CNPY1: variants seen among roughly 807,000 people sequenced by gnomAD.
CNPY1 encodes canopy FGF signaling regulator 1.
Under a neutral mutation model 14.4 loss-of-function variants are expected in CNPY1, and 14 were observed. That is an observed-to-expected ratio of 0.97 (90% CI 0.64 to 1.52). CNPY1 has a LOEUF of 1.52. CNPY1 is among the 40% of genes most tolerant of loss of function. The pLI, the probability that CNPY1 is intolerant of heterozygous loss-of-function variation, is 0.00. For synonymous variants in CNPY1, 43 were observed against 46.5 expected, an observed-to-expected ratio of 0.92 and a Z score of 0.31; for missense variants, 129 against 131.5, an observed-to-expected ratio of 0.98 and a Z score of 0.09.
intron 2 of CNPY1, among the ~76,000 whole-genome samples, chr7:155,528,561 C>A (rs969612007): frequency 7.2e-5 from 11 of 152,212 alleles, no homozygotes; most frequent in Non-Finnish European, 1.3e-4. Flanking sequence ...GACAGTGGCA[C>A]TCAGAAATGT....
At chr7:155,533,009 A>G (rs1247180456) in intron 2 of CNPY1, among the ~76,000 whole-genome samples, 1 of 152,164 alleles carries the variant, frequency 6.6e-6, no homozygotes, top group Non-Finnish European at 1.5e-5. Flanking sequence ...TACCGCTATT[A>G]ACAACCAAAA....
At chr7:155,505,093 G>A (rs1796257830) in intron 4 of CNPY1, among the ~76,000 whole-genome samples, 1 of 152,202 alleles carries the variant, frequency 6.6e-6, no homozygotes, top group South Asian at 2.1e-4. Context: ...CACTTCAACA[G>A]TAGGGCTTTT....
intron 2 of CNPY1, among the ~76,000 whole-genome samples, chr7:155,525,867 T>C (rs757580613): frequency 3.9e-5 from 6 of 152,206 alleles, no homozygotes; most frequent in South Asian, 2.1e-4. Flanking sequence ...TTCTTGACAT[T>C]GTATCACTTT....
At chr7:155,529,468 C>T (rs749044289) in intron 2 of CNPY1, among the ~76,000 whole-genome samples, 16 of 152,216 alleles carry the variant, frequency 1.1e-4, no homozygotes, top group Non-Finnish European at 2.1e-4. Context: ...CACTGAGGAA[C>T]CAGCAGGGCC....
In CNPY1 at chr7:155,509,889, G is replaced by A. The variant is rs181427270; in HGVS notation, c.100-792C>T. ...GGTCAAAGAGCACCCCTCGCCCTTG[G>A]TAACGGAGACAAAACGTTCGGGGCC... On this transcript the variant is annotated intron_variant, in intron 2 of 4. Transcript: ENST00000636446. Among the ~76,000 whole-genome samples, 1,504 of 152,284 alleles carry A rather than the reference G, an allele frequency of 9.9e-3. 25 individuals are homozygous for A. Among genetic ancestry groups the A allele is most frequent in the African/African-American group, 0.035 (1,451 of 41,562 alleles).
intron 3 of CNPY1, 100 bp downstream of exon 3, chr7:155,508,794 G>A (rs1796417057): frequency 7.9e-7 from 1 of 1,266,650 alleles, no homozygotes. Flanking sequence ...GATGTTCCAT[G>A]TCTTGAAACT....
intron 2 of CNPY1, among the ~76,000 whole-genome samples, chr7:155,509,411 A>C (rs904733836): frequency 6.6e-5 from 10 of 152,222 alleles, no homozygotes; most frequent in African/African-American, 2.4e-4. Flanking sequence ...CTGAGCATGT[A>C]GCAAAAAGCA....
chr7:155,506,762 G>T (rs779037884), intron 4 of CNPY1: 6 of 406,570 alleles, frequency 1.5e-5, no homozygotes, highest in Non-Finnish European at 2.2e-5. Context: ...TCCTTAACTG[G>T]AAATCAAGAA....
chr7:155,528,181 C>G (rs886914518), intron 2 of CNPY1, among the ~76,000 whole-genome samples: 3 of 152,178 alleles, frequency 2.0e-5, no homozygotes, highest in African/African-American at 7.2e-5. Context: ...GCCCAAAGAG[C>G]CTAATTAACT....
intron 3 of CNPY1, among the ~76,000 whole-genome samples, chr7:155,507,894 A>C (rs1443822044): frequency 6.6e-6 from 1 of 152,230 alleles, no homozygotes; most frequent in Non-Finnish European, 1.5e-5. Flanking sequence ...TGAGTTCATT[A>C]AGCAAGACTC....
chr7:155,507,471 TAAAAAAAAA>T (rs35711313), intron 3 of CNPY1, among the ~76,000 whole-genome samples: 5,965 of 54,312 alleles, frequency 0.11, 232 homozygotes, highest in South Asian at 0.29. Context: ...GTTTTTAAAC[TAAAAAAAAA>T]AAAAAAAAAA....
At chr7:155,537,564 C>A (rs1288068009) in intron 2 of CNPY1, among the ~76,000 whole-genome samples, 1 of 151,840 alleles carries the variant, frequency 6.6e-6, no homozygotes, top group Non-Finnish European at 1.5e-5. Flanking sequence ...GCTGGGGCTA[C>A]AGGAATGTGC....
intron 2 of CNPY1, among the ~76,000 whole-genome samples, chr7:155,520,416 CTTTCTTTCTTTCTT>C (rs1796696753): frequency 7.7e-6 from 1 of 129,636 alleles, no homozygotes; most frequent in African/African-American, 2.8e-5. Context: ...CTTTTTCTTT[CTTTCTTTCTTTCTT>C]TTTTTTTTTT....
intron 2 of CNPY1, among the ~76,000 whole-genome samples, chr7:155,532,862 T>C (rs1796964677): frequency 6.6e-6 from 1 of 151,888 alleles, no homozygotes; most frequent in South Asian, 2.1e-4. Context: ...TGCCTCGCCG[T>C]CTCCTGGCTA....
chr7:155,501,290 G>A lies in CNPY1; in HGVS notation c.*1778C>T, dbSNP rs1358849900. 1 of 152,138 alleles carries A rather than the reference G, an allele frequency of 6.6e-6. No homozygotes were observed. The highest frequency in any genetic ancestry group is 1.5e-5 in the Non-Finnish European group (1 of 68,040). The allele number at this position is 152,138 out of a possible 1,614,324, so 9.4% of individuals were successfully genotyped here. ...TGAAAGGCACCCCTCAGTGACAGGA[G>A]GTGCACCTCCCCACGTCCGTTTAGT... On this transcript the variant is annotated 3_prime_UTR_variant, in exon 5 of 5. Coordinates refer to ENST00000636446, the MANE Select transcript of CNPY1 (RefSeq NM_001393663.1).
chr7:155,537,844 T>G (rs1797041090), intron 2 of CNPY1, among the ~76,000 whole-genome samples: 1 of 152,064 alleles, frequency 6.6e-6, no homozygotes, highest in Non-Finnish European at 1.5e-5. Flanking sequence ...TCTTTTGATT[T>G]CTAAAAAAAA....
At chr7:155,537,179 T>C (rs892882498) in intron 2 of CNPY1, among the ~76,000 whole-genome samples, 1 of 152,240 alleles carries the variant, frequency 6.6e-6, no homozygotes, top group East Asian at 1.9e-4. Flanking sequence ...GAAGAGCAGG[T>C]CCTTGGCCAA....
chr7:155,515,307 CCGG>C (rs1563089165), intron 2 of CNPY1, among the ~76,000 whole-genome samples: 1 of 125,162 alleles, frequency 8.0e-6, no homozygotes, highest in South Asian at 2.7e-4. Context: ...CCCCCCCCCC[CCGG>C]CCCCGGCCAG....
intron 4 of CNPY1, among the ~76,000 whole-genome samples, chr7:155,505,664 C>T (rs535600997): frequency 2.0e-5 from 3 of 152,192 alleles, no homozygotes; most frequent in East Asian, 1.9e-4. Context: ...TCATAGACCA[C>T]GTCCTTTATG....
Sources: allele counts gnomAD v4.1 joint callset (sites outside exome capture counted in the v4.1 genomes callset), GRCh38; gene constraint gnomAD v4.1.1; transcripts MANE v1.5; gene names NCBI Gene and HGNC (gene_info 2026-07-23, HGNC 2026-07-21).